CUBN: variants seen among roughly 807,000 people sequenced by gnomAD.
CUBN encodes the protein 460 kDa receptor.
In CUBN, 282 loss-of-function variants were observed where a neutral mutation model predicts 405.3. That is an observed-to-expected ratio of 0.70 (90% CI 0.63 to 0.77). CUBN has a LOEUF of 0.77. Among genes scored for constraint, CUBN ranks in the 30% least tolerant of loss-of-function variants. CUBN has a pLI of 0.00. For synonymous variants in CUBN, 1,684 were observed against 1,617.0 expected (o/e 1.04, Z -0.99); for missense variants, 4,514 against 4,475.2 (o/e 1.01, Z -0.25).
rs1252942277 is a variant in CUBN, at chr10:16,900,615, T to C, written c.8410+10A>G. The C allele has an allele frequency of 5.0e-6, 8 of 1,596,676 alleles. No individual in the cohort carries two copies. The highest frequency in any genetic ancestry group is 6.9e-6 in the Non-Finnish European group (8 of 1,164,024). The stretch of plus-strand genomic sequence containing the variant: ...AAAAGAAAATCAAATGGAGCAAACA[T>C]TTCTTTTACCTAAAGTTTGTGTGTT... On this transcript the variant is annotated intron_variant, in intron 53 of 66. Transcript: ENST00000377833.
At chr10:16,867,214 G>T (rs1254343695) in intron 59 of CUBN, among the ~76,000 whole-genome samples, 1 of 152,114 alleles carries the variant, frequency 6.6e-6, no homozygotes, top group East Asian at 1.9e-4. Flanking sequence ...TCCACTATCT[G>T]GTCCACAAAG....
At chr10:17,034,656 T>C (rs1372638879) in intron 27 of CUBN, among the ~76,000 whole-genome samples, 1 of 152,210 alleles carries the variant, frequency 6.6e-6, no homozygotes, top group East Asian at 1.9e-4. Flanking sequence ...GATTCTGGAA[T>C]GCAGCCAGAT....
intron 14 of CUBN, among the ~76,000 whole-genome samples, chr10:17,091,204 T>C (rs1836250158): frequency 6.6e-6 from 1 of 152,160 alleles, no homozygotes; most frequent in East Asian, 1.9e-4. Flanking sequence ...TCCAGAGTTT[T>C]GAAAACAAAT....
intron 48 of CUBN, among the ~76,000 whole-genome samples, chr10:16,911,968 TG>T (rs1300871550): frequency 6.6e-6 from 1 of 152,096 alleles, no homozygotes; most frequent in Non-Finnish European, 1.5e-5. Flanking sequence ...AATCAAAATG[TG>T]GTATAGTGGG....
rs537825358 is a variant in CUBN at position 16,898,850 on chromosome 10, T to C, written c.8598+146A>G. 8.7e-6 allele frequency: 6 copies of C among 693,028 alleles called. No individual in the cohort carries two copies. The East Asian group carries it at 1.6e-4, about 18-fold the overall frequency. The allele number at this position is 693,028 out of a possible 1,614,324, so 42.9% of individuals were successfully genotyped here. ...GAAAAGAAATTCTAGCTCCTAACAG[T>C]TGAGGTTTCTCACTTTCTCACTTTT... On this transcript the variant is annotated intron_variant, in intron 54 of 66. Coordinates refer to ENST00000377833, the MANE Select transcript of CUBN (RefSeq NM_001081.4).
chr10:16,862,160 T>A (rs9919376), intron 59 of CUBN, among the ~76,000 whole-genome samples: 3,991 of 130,980 alleles, frequency 0.03, 153 homozygotes, highest in African/African-American at 0.094. Flanking sequence ...TCTCTCTCTC[T>A]CACACACACA....
At chr10:16,826,684 A>G (rs1838794126) in intron 66 of CUBN, among the ~76,000 whole-genome samples, 1 of 152,222 alleles carries the variant, frequency 6.6e-6, no homozygotes, top group African/African-American at 2.4e-5. Flanking sequence ...TTATCTCGCT[A>G]TATACTTCAA....
intron 43 of CUBN, among the ~76,000 whole-genome samples, chr10:16,920,791 T>C (rs55914634): frequency 0.055 from 8,416 of 152,184 alleles, 349 homozygotes; most frequent in Non-Finnish European, 0.086. Context: ...CAGATAGGAG[T>C]AAAAGTACTT....
At chr10:16,969,281 A>G (rs1373848258) in intron 31 of CUBN, among the ~76,000 whole-genome samples, 2 of 152,210 alleles carry the variant, frequency 1.3e-5, no homozygotes, top group East Asian at 3.9e-4. Flanking sequence ...TCATGCATCA[A>G]AAACATTGGT....
At chr10:16,956,213 A>G (rs1212228997) in intron 31 of CUBN, among the ~76,000 whole-genome samples, 2 of 152,144 alleles carry the variant, frequency 1.3e-5, no homozygotes, top group African/African-American at 4.8e-5. Flanking sequence ...TATCAATAGG[A>G]TTTTTAACTT....
chr10:16,994,604 C>G (rs1238743465), intron 28 of CUBN, among the ~76,000 whole-genome samples: 2 of 152,160 alleles, frequency 1.3e-5, no homozygotes, highest in African/African-American at 4.8e-5. Context: ...CAATACCCAT[C>G]AGGAAATAAC....
intron 22 of CUBN, among the ~76,000 whole-genome samples, chr10:17,055,988 G>A (rs1381009993): frequency 6.6e-6 from 1 of 151,958 alleles, no homozygotes; most frequent in Admixed American, 6.6e-5. Flanking sequence ...CAATCTAGAG[G>A]TTTTATACTT....
chr10:16,969,440 C>G (rs558801440), intron 31 of CUBN, among the ~76,000 whole-genome samples: 1 of 151,998 alleles, frequency 6.6e-6, no homozygotes, highest in African/African-American at 2.4e-5. Context: ...CTGCAGCCTC[C>G]GCCTCCGGGG....
intron 31 of CUBN, among the ~76,000 whole-genome samples, chr10:16,961,305 A>ATCCT: frequency 6.6e-6 from 1 of 152,246 alleles, no homozygotes; most frequent in Middle Eastern, 3.4e-3. Flanking sequence ...GGCTCAAGCG[A>ATCCT]TCCTGCCACC....
intron 63 of CUBN, 100 bp downstream of exon 63, chr10:16,836,135 T>C: frequency 8.3e-7 from 1 of 1,204,448 alleles, no homozygotes; most frequent in Non-Finnish European, 1.2e-6. Context: ...AAATCCTAAT[T>C]TACTCACAGG....
intron 45 of CUBN, among the ~76,000 whole-genome samples, chr10:16,916,797 TTTTTTCTTTTC>T (rs1841896959): frequency 6.6e-6 from 1 of 151,754 alleles, no homozygotes; most frequent in Non-Finnish European, 1.5e-5. Flanking sequence ...TTTGCTTTCT[TTTTTTCTTTTC>T]TTTTTCTTTC....
chr10:17,068,403 A>C lies in CUBN; in HGVS notation c.2792-123T>G. 4.7e-6 allele frequency: 5 copies of C among 1,059,496 alleles called. No individual in the cohort carries two copies. In the South Asian group the frequency reaches 7.1e-5, roughly 15 times the overall value. 65.6% of individuals were successfully genotyped at this position (1,059,496 alleles called of 1,614,324 possible). On this transcript the variant is annotated intron_variant, in intron 20 of 66. Transcript: ENST00000377833. Reference sequence around the variant, plus strand: ...GAAAAATGTTTCTTAGTTGCCACTTAAGATAACCTGATTTTTCTCTTATTA... The same window carrying C: ...GAAAAATGTTTCTTAGTTGCCACTTCAGATAACCTGATTTTTCTCTTATTA...
chr10:17,022,760 A>G (rs1376014427), intron 27 of CUBN, among the ~76,000 whole-genome samples: 1 of 152,206 alleles, frequency 6.6e-6, no homozygotes, highest in Non-Finnish European at 1.5e-5. Flanking sequence ...ACTGCTCCCA[A>G]GTAGTGGAGT....
chr10:16,853,532 A>T (rs539560831), intron 59 of CUBN, among the ~76,000 whole-genome samples: 1 of 152,358 alleles, frequency 6.6e-6, no homozygotes, highest in East Asian at 1.9e-4. Flanking sequence ...TTACAGGCAC[A>T]TTACTTAGTA....
Sources: gnomAD v4.1 joint callset for allele counts (sites outside exome capture counted in the v4.1 genomes callset) on GRCh38, gnomAD v4.1.1 for gene constraint, MANE v1.5 for transcripts, NCBI Gene and HGNC (gene_info 2026-07-23, HGNC 2026-07-21) for gene names.